TRIM65: variants seen among roughly 807,000 people sequenced by gnomAD.
TRIM65 encodes E3 ubiquitin-protein ligase TRIM65.
In TRIM65, 46 loss-of-function variants were observed where a neutral mutation model predicts 36.1. That is an observed-to-expected ratio of 1.27 (90% CI 1.01 to 1.63). The LOEUF (loss-of-function observed/expected upper bound fraction) is 1.63. TRIM65 is among the 40% of genes most tolerant of loss of function. TRIM65 has a pLI of 0.00. For missense variants in TRIM65, 708 were observed against 696.6 expected, an observed-to-expected ratio of 1.02 and a Z score of -0.18; for synonymous variants, 346 against 313.6, an observed-to-expected ratio of 1.10 and a Z score of -1.09.
rs996049241 is a variant in TRIM65 at position 75,891,102 on chromosome 17, G to T, written c.1231C>A (p.Pro411Thr). ...CCCCGGCCAATGTTGTCTGTGTGGG[G>T]CCCCAGCCTGCACCGTGGCAGTTGC... ...YPQLPRCRLG[P>T]HTDNIGRGPC... is the part of the protein sequence containing the mutation. The change falls in exon 6 of 6, where the codon CCC becomes ACC. Residue 411 changes from proline (P) to threonine (T), a missense_variant. By Grantham distance (38) the Pro-to-Thr change is conservative. Coordinates refer to ENST00000269383, the MANE Select transcript of TRIM65 (RefSeq NM_173547.4). The T allele has an allele frequency of 6.2e-7, 1 of 1,609,598 alleles. No homozygotes were observed. Among genetic ancestry groups the T allele is most frequent in the African/African-American group, 1.3e-5 (1 of 74,920 alleles).
At position 75,891,828 on chromosome 17, in the gene TRIM65, T is replaced by C. The variant is rs2065271415; in HGVS notation, c.970A>G (p.Arg324Gly). ...GCCTCCTTACTCTGCCAGAGTTTCC[T>C]CCTCAGTGGACAAACTGTGCTTGGG... ...PVPSTVCPLR[R>G]KLWQNYRNLT... The change falls in exon 5 of 6, where the codon AGG becomes GGG. Residue 324 changes from arginine to glycine, a missense_variant. Coordinates refer to ENST00000269383, the MANE Select transcript of TRIM65 (RefSeq NM_173547.4). 6.2e-7 allele frequency: 1 copy of C among 1,612,376 alleles called. No individual in the cohort carries two copies. The highest frequency in any genetic ancestry group is 8.5e-7 in the Non-Finnish European group (1 of 1,179,158).
intron 4 of TRIM65, among the ~76,000 whole-genome samples, chr17:75,881,235 CAAAAAAAAAAAA>C (rs58718762): frequency 1.8e-5 from 2 of 110,274 alleles, no homozygotes; most frequent in East Asian, 3.0e-4. Context: ...GACTCCATCT[CAAAAAAAAAAAA>C]AAAAAAAAAA....
At chr17:75,894,264 G>T (rs1176873561) in intron 1 of TRIM65, among the ~76,000 whole-genome samples, 1 of 152,034 alleles carries the variant, frequency 6.6e-6, no homozygotes. Context: ...CAGCGTCCCT[G>T]CGCCATCCTC....
Position 75,890,794 on chromosome 17 carries a change from T to C in TRIM65, c.1539A>G (p.Glu513=). Residue 513 remains glutamate (E), a synonymous_variant, in exon 6 of 6, where the codon GAA becomes GAG. Coordinates refer to ENST00000269383, the MANE Select transcript of TRIM65 (RefSeq NM_173547.4). Reference sequence around the variant, plus strand: ...CATGCCTTCTTCAGCTGAGCACCTCTTCCTGGGGCCCCAGAGGGAACACAG... The same window carrying C: ...CATGCCTTCTTCAGCTGAGCACCTCCTCCTGGGGCCCCAGAGGGAACACAG... The part of the protein sequence containing the change: ...PGAVFPLGPQ[E]EVLS 5 of 1,487,394 alleles carry C rather than the reference T, an allele frequency of 3.4e-6. No homozygotes were observed. The highest frequency in any genetic ancestry group is 4.5e-6 in the Non-Finnish European group (5 of 1,119,980). 92.1% of individuals were successfully genotyped at this position (1,487,394 alleles called of 1,614,324 possible). A position where few individuals can be genotyped will look rare whatever the true frequency, so the allele number is the denominator to read the frequency against.
At chr17:75,892,898 G>T (rs753337781) in intron 1 of TRIM65, 48 bp from the exon 2 acceptor site, 2 of 1,540,040 alleles carry the variant, frequency 1.3e-6, no homozygotes, top group Non-Finnish European at 1.8e-6. Context: ...GCCAGGATTG[G>T]CTGTGATGTC....
At chr17:75,894,215 A>G (rs975826019) in intron 1 of TRIM65, among the ~76,000 whole-genome samples, 1 of 151,346 alleles carries the variant, frequency 6.6e-6, no homozygotes, top group Non-Finnish European at 1.5e-5. Context: ...CTCCCTGCCC[A>G]TCAGGCCTCC....
chr17:75,896,728 C>T lies in TRIM65; in HGVS notation c.210G>A (p.Leu70=). The change falls in exon 1 of 6, where the codon CTG becomes CTA. Residue 70 remains leucine (L), a synonymous_variant. Coordinates refer to ENST00000269383, the MANE Select transcript of TRIM65 (RefSeq NM_173547.4). The part of the protein sequence containing the change: ...LRRNVALSGV[L]EVVRAGPARD... ...GGGCGGGCCCGGCGCGCACCACCTCCAGCACGCCGCTGAGGGCCACGTTGC... is the reference window on the plus strand; with the variant it reads ...GGGCGGGCCCGGCGCGCACCACCTCTAGCACGCCGCTGAGGGCCACGTTGC... 1.0e-5 allele frequency: 15 copies of T among 1,451,132 alleles called. No homozygotes were observed. Among genetic ancestry groups the T allele is most frequent in the Non-Finnish European group, 1.0e-5 (11 of 1,104,716 alleles). 89.9% of individuals were successfully genotyped at this position (1,451,132 alleles called of 1,614,324 possible).
chr17:75,886,551 G>A (rs896229750), downstream of TRIM65, among the ~76,000 whole-genome samples: 20 of 147,456 alleles, frequency 1.4e-4, no homozygotes, highest in African/African-American at 2.5e-4. Flanking sequence ...AACCAAAAAC[G>A]TCTTTCCTTT....
At chr17:75,891,474 C>T in intron 5 of TRIM65, 127 bp from the exon 6 acceptor site, 1 of 1,008,152 alleles carries the variant, frequency 9.9e-7, no homozygotes, top group Non-Finnish European at 1.5e-6. Flanking sequence ...TAATCCTCGC[C>T]ACGACCTCGC....
downstream of TRIM65, among the ~76,000 whole-genome samples, chr17:75,888,651 G>A (rs2065228801): frequency 6.6e-6 from 1 of 152,212 alleles, no homozygotes. Flanking sequence ...TGGGCTTTCA[G>A]CTCCCACCAT....
At position 75,891,299 on chromosome 17, in the gene TRIM65, T is replaced by G; in HGVS notation, c.1034A>C (p.Tyr345Ser). 1 of 1,613,222 alleles carries G rather than the reference T, an allele frequency of 6.2e-7. No homozygotes were observed. Among genetic ancestry groups the G allele is most frequent in the Non-Finnish European group, 8.5e-7 (1 of 1,179,994 alleles). Residue 345 changes from tyrosine to serine, a missense_variant, in exon 6 of 6, where the codon TAT becomes TCT. By Grantham distance (144) the Tyr-to-Ser change is moderately radical. Coordinates refer to ENST00000269383, the MANE Select transcript of TRIM65 (RefSeq NM_173547.4). ...CACCTGCTGGTCCTGGCGCGACAGA[T>G]AGAAGTGACGGTTGGCGCTGACTGG... ...FDPVSANRHF[Y>S]LSRQDQQVKH...
At chr17:75,888,181 A>G (rs2065224237), downstream of TRIM65, among the ~76,000 whole-genome samples, 1 of 148,746 alleles carries the variant, frequency 6.7e-6, no homozygotes, top group African/African-American at 2.5e-5. Context: ...AAATAAATAA[A>G]TAAATAAATA....
At chr17:75,884,761 G>C (rs1393993640), downstream of TRIM65, among the ~76,000 whole-genome samples, 3 of 152,100 alleles carry the variant, frequency 2.0e-5, no homozygotes, top group Admixed American at 2.0e-4. Context: ...TGGGACCACA[G>C]GCGCACGCCA....
At position 75,889,780 on chromosome 17, in the gene TRIM65, C is replaced by G. The variant is rs1239661207; in HGVS notation, c.*999G>C. On this transcript the variant is annotated 3_prime_UTR_variant, in exon 6 of 6. Transcript: ENST00000269383. Reference sequence around the variant, plus strand: ...ATACATGACCATAAATGTGGCCAAACATCCCACTCAGAAATATTCATCATA... The same window carrying G: ...ATACATGACCATAAATGTGGCCAAAGATCCCACTCAGAAATATTCATCATA... The G allele has an allele frequency of 6.6e-6, 1 of 152,158 alleles. No individual in the cohort carries two copies. Among genetic ancestry groups the G allele is most frequent in the Non-Finnish European group, 1.5e-5 (1 of 68,036 alleles). The allele number at this position is 152,158 out of a possible 1,614,324, so 9.4% of individuals were successfully genotyped here.
At position 75,891,109 on chromosome 17, in the gene TRIM65, C is replaced by T. The variant is rs2065258784; in HGVS notation, c.1224G>A (p.Arg408=). Residue 408 remains arginine, a synonymous_variant, in exon 6 of 6, where the codon AGG becomes AGA. Transcript: ENST00000269383. ...CAATGTTGTCTGTGTGGGGCCCCAG[C>T]CTGCACCGTGGCAGTTGCGGGTAGG... ...GVSYPQLPRC[R]LGPHTDNIGR... 1 of 1,609,502 alleles carries T rather than the reference C, an allele frequency of 6.2e-7. No homozygotes were observed. Among genetic ancestry groups the T allele is most frequent in the East Asian group, 2.2e-5 (1 of 44,880 alleles).
chr17:75,887,646 C>CAAAAAAA (rs35086337), downstream of TRIM65, among the ~76,000 whole-genome samples: 2 of 90,672 alleles, frequency 2.2e-5, no homozygotes, highest in African/African-American at 3.9e-5. Context: ...GACTCCGTCT[C>CAAAAAAA]AAAAAAAAAA....
intron 5 of TRIM65, among the ~76,000 whole-genome samples, 167 bp from the exon 6 acceptor site, chr17:75,891,514 A>C (rs1476644299): frequency 6.6e-6 from 1 of 152,204 alleles, no homozygotes; most frequent in South Asian, 2.1e-4. Context: ...CCCCGTTCAC[A>C]GCTGAGAAAA....
At chr17:75,884,706 C>T (rs982776281), downstream of TRIM65, among the ~76,000 whole-genome samples, 3 of 152,156 alleles carry the variant, frequency 2.0e-5, no homozygotes, top group Non-Finnish European at 4.4e-5. Context: ...GCAGCCTCAA[C>T]ATCCCGGGCT....
chr17:75,894,550 C>T (rs766992007), intron 1 of TRIM65, among the ~76,000 whole-genome samples: 3 of 152,210 alleles, frequency 2.0e-5, no homozygotes, highest in Non-Finnish European at 2.9e-5. Flanking sequence ...CCTCCTAGCG[C>T]TAATGATTCC....
Sources: gnomAD v4.1 joint callset for allele counts (sites outside exome capture counted in the v4.1 genomes callset) on GRCh38, gnomAD v4.1.1 for gene constraint, MANE v1.5 for transcripts, NCBI Gene and HGNC (gene_info 2026-07-23, HGNC 2026-07-21) for gene names.